SLC35A2: variants seen among roughly 807,000 people sequenced by gnomAD.
SLC35A2 encodes solute carrier family 35 member A2, also known as UDP-galactose translocator.
A neutral mutation model predicts 17.3 loss-of-function variants in SLC35A2; 1 was observed. That is an observed-to-expected ratio of 0.06 (90% CI 0.02 to 0.27). The LOEUF is 0.27. SLC35A2 is among the 10% of genes least tolerant of loss of function. The pLI, the probability that SLC35A2 is intolerant of heterozygous loss-of-function variation, is 1.00. For synonymous variants in SLC35A2, 161 were observed against 161.3 expected (o/e 1.00, Z 0.01); for missense variants, 191 against 339.3 (o/e 0.56, Z 3.43).
Position 48,904,781 on chromosome X carries a change from G to A in SLC35A2, c.1128C>T (p.His376=), listed in dbSNP as rs1557042632. 5.0e-6 allele frequency: 6 copies of A among 1,211,653 alleles called. No homozygotes were observed. Among genetic ancestry groups the A allele is most frequent in the Middle Eastern group, 2.3e-4 (1 of 4,349 alleles). The change falls in exon 4 of 5, where the codon CAC becomes CAT. Residue 376 remains histidine (H), a synonymous_variant. Coordinates refer to ENST00000247138, the MANE Select transcript of SLC35A2 (RefSeq NM_005660.3). ...AGGGCTCCGTGATGAGGTCTCCACG[G>A]TGGGAAGACAGCTGCGGTGGTGGTG... ...GQPPPPQLSS[H]RGDLITEPFL...
At chrX:48,905,945 A>G in intron 3 of SLC35A2, 1 of 290,208 alleles carries the variant, frequency 3.4e-6, no homozygotes, top group East Asian at 6.3e-5. Context: ...TAATTCTCAC[A>G]ACACCATTCT....
intron 1 of SLC35A2, 178 bp from the exon 2 acceptor site, chrX:48,910,174 C>A: frequency 1.1e-6 from 1 of 949,977 alleles, no homozygotes. Flanking sequence ...CTTACTGCCT[C>A]AGCCATGAGC....
chrX:48,907,284 CT>C (rs781928961), intron 2 of SLC35A2, among the ~76,000 whole-genome samples: 153 of 99,858 alleles, frequency 1.5e-3, no homozygotes, highest in Admixed American at 2.4e-3. Flanking sequence ...TTAGTCTAGA[CT>C]TTTTTTTTTT....
chrX:48,906,647 G>C lies in SLC35A2; in HGVS notation c.275-104C>G, dbSNP rs1557043168. The C allele has an allele frequency of 5.6e-6, 4 of 719,380 alleles. No individual in the cohort carries two copies. The African/African-American group carries it at 6.3e-5, about 11-fold the overall frequency. The allele number at this position is 719,380 out of a possible 1,213,427, so 59.3% of individuals were successfully genotyped here. On this transcript the variant is annotated intron_variant, in intron 2 of 4. Coordinates refer to ENST00000247138, the MANE Select transcript of SLC35A2 (RefSeq NM_005660.3). Reference sequence around the variant, plus strand: ...CTCCTGTGACTCCCCCATCCACCCTGCTGTCCAATCCCTGGAGGCTGGAAT... The same window carrying C: ...CTCCTGTGACTCCCCCATCCACCCTCCTGTCCAATCCCTGGAGGCTGGAAT...
At chrX:48,910,275 C>G in intron 1 of SLC35A2, 2 of 1,148,566 alleles carry the variant, frequency 1.7e-6, no homozygotes, top group Non-Finnish European at 2.3e-6. Flanking sequence ...CTGAGGCAAA[C>G]CCTGGCCACG....
chrX:48,903,495 C>A (rs782206976), intron 4 of SLC35A2, 30 bp from the exon 5 acceptor site: 1 of 573,501 alleles, frequency 1.7e-6, no homozygotes, highest in East Asian at 3.2e-5. Flanking sequence ...GAAAGAAAAA[C>A]ACAAAGCTGG....
Position 48,903,800 on chromosome X carries a change from A to T in SLC35A2, c.1164-335T>A, listed in dbSNP as rs1409158130. ...CACACACCCCGCCCCGATACAGTTAAGGGGTTAATAAGCTTTGGGGAGCGC... is the reference window on the plus strand; with the variant it reads ...CACACACCCCGCCCCGATACAGTTATGGGGTTAATAAGCTTTGGGGAGCGC... On this transcript the variant is annotated intron_variant, in intron 4 of 4. Transcript: ENST00000247138. 3.5e-6 allele frequency: 3 copies of T among 862,566 alleles called. No homozygotes were observed. In the African/African-American group the frequency reaches 6.4e-5, roughly 18 times the overall value. The allele number at this position is 862,566 out of a possible 1,213,427, so 71.1% of individuals were successfully genotyped here.
Position 48,909,897 on chromosome X carries a change from C to T in SLC35A2, c.191G>A (p.Arg64His), listed in dbSNP as rs201465248. The change falls in exon 2 of 5, where the codon CGC (arginine) becomes CAC (histidine). Residue 64 changes from arginine to histidine, a missense_variant. By Grantham distance (29) the Arg-to-His change is conservative (BLOSUM62 0). Transcript: ENST00000247138. Reference sequence around the variant, plus strand: ...GACCACAGCAGTGGTGGCAAAGAAGCGGTCCCCTGGCAACGTGCGGGCGTA... The same window carrying T: ...GACCACAGCAGTGGTGGCAAAGAAGTGGTCCCCTGGCAACGTGCGGGCGTA... ...IRYARTLPGD[R>H]FFATTAVVMA... 8 of 1,208,729 alleles carry T rather than the reference C, an allele frequency of 6.6e-6. No individual in the cohort carries two copies. The highest frequency in any genetic ancestry group is 8.9e-6 in the Non-Finnish European group (8 of 894,196).
In SLC35A2 at chrX:48,909,959, C is replaced by G. The variant is rs2063519822; in HGVS notation, c.129G>C (p.Leu43=). The G allele has an allele frequency of 8.3e-7, 1 of 1,209,378 alleles. No homozygotes were observed. The highest frequency in any genetic ancestry group is 1.7e-5 in the African/African-American group (1 of 57,348). ...RRLKYISLAV[L]VVQNASLILS... ...GGATGAGGGAGGCATTCTGGACCAC[C>G]AGCACAGCTAGGGATATGTACTTCA... The change falls in exon 2 of 5, where the codon CTG becomes CTC. Residue 43 remains leucine (L), a synonymous_variant. Transcript: ENST00000247138.
Position 48,907,448 on chromosome X carries a change from C to T in SLC35A2, c.275-905G>A, listed in dbSNP as rs782045959. The stretch of plus-strand genomic sequence containing the variant: ...ATCTTTAGTAGAGATGGGGCTTCAC[C>T]GTGTTAGCCACGATGGTCTTGATCT... On this transcript the variant is annotated intron_variant, in intron 2 of 4. Transcript: ENST00000247138. Among the ~76,000 whole-genome samples, 21 of 110,682 alleles carry T rather than the reference C, an allele frequency of 1.9e-4. No homozygotes were observed. In the South Asian group the frequency reaches 6.1e-3, roughly 32 times the overall value.
intron 3 of SLC35A2, 56 bp from the exon 4 acceptor site, chrX:48,905,538 C>T (rs2063484691): frequency 9.5e-7 from 1 of 1,052,739 alleles, no homozygotes; most frequent in Non-Finnish European, 1.2e-6. Flanking sequence ...AACAGGTGCA[C>T]ATGGGGGGCA....
chrX:48,911,563 G>A lies in SLC35A2; in HGVS notation c.74C>T (p.Pro25Leu), dbSNP rs781993117. ...PGAVSAGALE[P>L]GTASAAHRRL... ...TGTCTCACCCGCACTGGCGGTCCCC[G>A]GCTCCAATGCACCCGCGGAAACCGC... The change falls in exon 1 of 5, where the codon CCG becomes CTG. Residue 25 changes from proline (P) to leucine (L), a missense_variant. Pro to Leu is a moderately conservative substitution (Grantham distance 98, BLOSUM62 -3). Around this residue, in one of 2 missense-constraint regions of SLC35A2, gnomAD observed 27 missense variants for 24.0 expected, o/e 1.12. Transcript: ENST00000247138. The A allele has an allele frequency of 4.7e-5, 55 of 1,162,328 alleles. No homozygotes were observed. The highest frequency in any genetic ancestry group is 6.1e-5 in the Non-Finnish European group (53 of 874,292).
At chrX:48,911,921 C>T (rs1557044234), upstream of SLC35A2, 1 of 1,166,245 alleles carries the variant, frequency 8.6e-7, no homozygotes, top group Non-Finnish European at 1.1e-6. Context: ...TGCCGTTCGT[C>T]CGCTTCACTG....
chrX:48,910,710 G>A (rs1178345696), intron 1 of SLC35A2, among the ~76,000 whole-genome samples: 4 of 110,468 alleles, frequency 3.6e-5, no homozygotes, highest in Non-Finnish European at 5.7e-5. Flanking sequence ...TCACTCCTGT[G>A]ACAACTGGTT....
In SLC35A2 at chrX:48,904,862, G is replaced by C; in HGVS notation, c.1047C>G (p.Ala349=). ...SLPRGAAKAI[A]SASASASGPC... is the part of the protein sequence containing the mutation. ...GCCCGGAGGCGGAGGCAGAGGCAGA[G>C]GCTATGGCTTTGGCTGCACCTCGGG... The change falls in exon 4 of 5, where the codon GCC becomes GCG. Residue 349 remains alanine, a synonymous_variant. Transcript: ENST00000247138. 1 of 1,211,959 alleles carries C rather than the reference G, an allele frequency of 8.3e-7. No homozygotes were observed. The highest frequency in any genetic ancestry group is 1.1e-6 in the Non-Finnish European group (1 of 895,444).
intron 4 of SLC35A2, chrX:48,903,896 C>T (rs879972292): frequency 2.6e-6 from 2 of 776,426 alleles, no homozygotes; most frequent in African/African-American, 2.3e-5. Flanking sequence ...CACAGCCAGA[C>T]GGATATCAAG....
Position 48,903,324 on chromosome X carries a change from A to G in SLC35A2, c.*114T>C, listed in dbSNP as rs782755163. 1.0e-5 allele frequency: 6 copies of G among 587,280 alleles called. No individual in the cohort carries two copies. The highest frequency in any genetic ancestry group is 3.4e-5 in the East Asian group (1 of 29,269). The allele number at this position is 587,280 out of a possible 1,213,427, so 48.4% of individuals were successfully genotyped here. A position where few individuals can be genotyped will look rare whatever the true frequency, so the allele number is the denominator to read the frequency against. On this transcript the variant is annotated 3_prime_UTR_variant, in exon 5 of 5. Transcript: ENST00000247138. Reference sequence around the variant, plus strand: ...TGGGTGGGGCAGGGGTGGTGGGGACAGGGAGTCCAGTGTCTACCTCACTCT... The same window carrying G: ...TGGGTGGGGCAGGGGTGGTGGGGACGGGGAGTCCAGTGTCTACCTCACTCT...
intron 2 of SLC35A2, 98 bp from the exon 3 acceptor site, chrX:48,906,641 C>T (rs2063492732): frequency 7.8e-6 from 6 of 769,033 alleles, no homozygotes; most frequent in Non-Finnish European, 1.2e-5. Flanking sequence ...CTCCCCCATC[C>T]ACCCTGCTGT....
Position 48,903,419 on chromosome X carries a change from A to T in SLC35A2, c.*19T>A, listed in dbSNP as rs1557042132. 4 of 574,176 alleles carry T rather than the reference A, an allele frequency of 7.0e-6. No homozygotes were observed. 47.3% of individuals were successfully genotyped at this position (574,176 alleles called of 1,213,427 possible). ...AAGAAGAGAGAACGAGGCCAGGCCA[A>T]TGTCTTCAATCCCAGCGGCTAGGAA... is the stretch of plus-strand genomic sequence containing the variant. On this transcript the variant is annotated 3_prime_UTR_variant, in exon 5 of 5. Transcript: ENST00000247138.
Sources: allele counts gnomAD v4.1 joint callset (sites outside exome capture counted in the v4.1 genomes callset), GRCh38; gene constraint gnomAD v4.1.1; regional missense constraint gnomAD v4.1.1; transcripts MANE v1.5; gene names NCBI Gene and HGNC (gene_info 2026-07-23, HGNC 2026-07-21).